DMD: variants seen among roughly 807,000 people sequenced by gnomAD.
DMD encodes mutant dystrophin.
DMD carries 63 observed loss-of-function variants against 330.1 expected under a neutral mutation model. That is an observed-to-expected ratio of 0.19 (90% CI 0.16 to 0.24). The LOEUF (loss-of-function observed/expected upper bound fraction) is 0.24. DMD is among the 10% of genes least tolerant of loss of function. The pLI, the probability that DMD is intolerant of heterozygous loss-of-function variation, is 1.00. For synonymous variants in DMD, 1,223 were observed against 959.8 expected, an observed-to-expected ratio of 1.27 and a Z score of -5.07; for missense variants, 3,344 against 2,684.1, an observed-to-expected ratio of 1.25 and a Z score of -5.43.
chrX:32,499,468 G>A (rs1479121519), intron 19 of DMD, among the ~76,000 whole-genome samples: 1 of 111,145 alleles, frequency 9.0e-6, no homozygotes, highest in Non-Finnish European at 1.9e-5. Flanking sequence ...TAACTTCTGA[G>A]GAAACTATAC....
intron 61 of DMD, among the ~76,000 whole-genome samples, chrX:31,325,681 G>T (rs2056737268): frequency 9.0e-6 from 1 of 111,370 alleles, no homozygotes; most frequent in African/African-American, 3.3e-5. Flanking sequence ...AGAGTCTGTT[G>T]TTATGGAAAT....
Position 31,209,666 on chromosome X carries a change from G to A in DMD, c.9395C>T (p.Ala3132Val), listed in dbSNP as rs200592992. 8.3e-7 allele frequency: 1 copy of A among 1,211,012 alleles called. No homozygotes were observed. Among genetic ancestry groups the A allele is most frequent in the East Asian group, 3.0e-5 (1 of 33,824 alleles). ...TTGCTTGAGGTTGTGCTGGTCCAAG[G>A]CATCACATGCAGCTGACAGGCTCAA... The part of the protein sequence containing the change: ...DLLSLSAACD[A>V]LDQHNLKQND... Residue 3132 changes from alanine (A) to valine (V), a missense_variant, in exon 65 of 79, where the codon GCC becomes GTC. Ala to Val is a moderately conservative substitution (Grantham distance 64). Coordinates refer to ENST00000357033, the MANE Select transcript of DMD (RefSeq NM_004006.3).
chrX:32,683,176 T>C (rs2062562270), intron 9 of DMD, among the ~76,000 whole-genome samples: 1 of 111,376 alleles, frequency 9.0e-6, no homozygotes, highest in African/African-American at 3.3e-5. Flanking sequence ...TAAAGAGCTT[T>C]ATGGTAGTTT....
chrX:31,633,436 C>T (rs1426374949), intron 54 of DMD, among the ~76,000 whole-genome samples: 1 of 111,709 alleles, frequency 9.0e-6, no homozygotes, highest in Non-Finnish European at 1.9e-5. Context: ...ATCCATGCAT[C>T]CATTCCGTAC....
At chrX:33,237,082 G>A (rs891073125) in intron 1 of DMD, among the ~76,000 whole-genome samples, 3 of 110,534 alleles carry the variant, frequency 2.7e-5, no homozygotes, top group Non-Finnish European at 5.7e-5. Context: ...GGAAACGGTT[G>A]TACAATATAA....
intron 60 of DMD, among the ~76,000 whole-genome samples, chrX:31,371,571 G>C (rs759761371): frequency 1.5e-4 from 17 of 111,076 alleles, no homozygotes; most frequent in African/African-American, 4.9e-4. Context: ...CTCGTTTCTG[G>C]GTGGTTAGTT....
intron 62 of DMD, among the ~76,000 whole-genome samples, chrX:31,295,292 G>A (rs1430015565): frequency 9.0e-6 from 1 of 111,260 alleles, no homozygotes; most frequent in Admixed American, 9.6e-5. Flanking sequence ...ACCGCGCCCG[G>A]CCGTAGGTTT....
At chrX:32,154,021 A>C (rs2096818638) in intron 44 of DMD, among the ~76,000 whole-genome samples, 2 of 112,669 alleles carry the variant, frequency 1.8e-5, no homozygotes, top group South Asian at 7.2e-4. Flanking sequence ...TAGAAGCTGA[A>C]TGTCAGCCTA....
intron 2 of DMD, among the ~76,000 whole-genome samples, chrX:32,999,691 G>A (rs766549969): frequency 8.4e-4 from 93 of 110,474 alleles, no homozygotes; most frequent in Non-Finnish European, 1.3e-3. Context: ...CAGGAGAATC[G>A]CTTGAACTAG....
At chrX:32,431,922 T>TA (rs1236745667) in intron 29 of DMD, among the ~76,000 whole-genome samples, 5 of 111,044 alleles carry the variant, frequency 4.5e-5, no homozygotes, top group Non-Finnish European at 3.8e-5. Flanking sequence ...CCCCTGAGTT[T>TA]AATCTGTGAG....
Position 31,659,650 on chromosome X carries a change from A to G in DMD, c.7873-1506T>C, listed in dbSNP as rs1204222065. Among the ~76,000 whole-genome samples, 493 of 82,407 alleles carry G rather than the reference A, an allele frequency of 6.0e-3. 7 individuals are homozygous for G. Among genetic ancestry groups the G allele is most frequent in the African/African-American group, 0.022 (466 of 21,596 alleles). The allele number at this position is 82,407 out of a possible 115,157, so 71.6% of individuals were successfully genotyped here. ...GAGACTCCATCTCGGAAAAAAAAAAAAAAAAAAAAAAAAAAAAAGAGAAAC... is the reference window on the plus strand; with the variant it reads ...GAGACTCCATCTCGGAAAAAAAAAAGAAAAAAAAAAAAAAAAAAGAGAAAC... On this transcript the variant is annotated intron_variant, in intron 53 of 78. Coordinates refer to ENST00000357033, the MANE Select transcript of DMD (RefSeq NM_004006.3).
chrX:33,309,476 TATAA>T (rs1241483070), intron 1 of DMD, among the ~76,000 whole-genome samples: 2 of 111,144 alleles, frequency 1.8e-5, no homozygotes, highest in African/African-American at 6.5e-5. Flanking sequence ...TAAACATAAA[TATAA>T]ATAAATAAAT....
chrX:31,141,844 C>T (rs1300959690), intron 76 of DMD, among the ~76,000 whole-genome samples: 1 of 111,190 alleles, frequency 9.0e-6, no homozygotes, highest in Non-Finnish European at 1.9e-5. Context: ...ATGGAAGGAG[C>T]GCCCAGGGAG....
chrX:31,587,005 T>G (rs6527106), intron 55 of DMD, among the ~76,000 whole-genome samples: 7,512 of 111,333 alleles, frequency 0.067, 214 homozygotes, highest in African/African-American at 0.11. Flanking sequence ...ATGCATTTTG[T>G]TCAACATAAA....
chrX:31,819,879 T>A (rs1201468397), intron 50 of DMD, 96 bp downstream of exon 50: 7 of 706,235 alleles, frequency 9.9e-6, no homozygotes, highest in African/African-American at 2.1e-5. Flanking sequence ...ATCTTTAGAA[T>A]TGAAACAAAT....
chrX:32,811,510 T>A (rs1480307636), intron 6 of DMD, among the ~76,000 whole-genome samples: 1 of 112,373 alleles, frequency 8.9e-6, no homozygotes, highest in Non-Finnish European at 1.9e-5. Context: ...ATGTACAATC[T>A]TTTATTGCCT....
chrX:31,425,585 G>A (rs1168781875), intron 60 of DMD, among the ~76,000 whole-genome samples: 1 of 111,228 alleles, frequency 9.0e-6, no homozygotes, highest in African/African-American at 3.3e-5. Context: ...GCCAGTGATT[G>A]GCTTAAAGAG....
intron 74 of DMD, among the ~76,000 whole-genome samples, chrX:31,164,008 G>C (rs898754904): frequency 1.8e-4 from 20 of 111,871 alleles, no homozygotes; most frequent in Non-Finnish European, 1.9e-5. Context: ...CCACAGCCAG[G>C]GGAGAAGGTT....
At chrX:32,760,006 A>G (rs2072058287) in intron 7 of DMD, among the ~76,000 whole-genome samples, 1 of 112,570 alleles carries the variant, frequency 8.9e-6, no homozygotes, top group African/African-American at 3.2e-5. Flanking sequence ...AATACATGGA[A>G]TCAGAAGCAA....
Sources: allele counts gnomAD v4.1 joint callset (sites outside exome capture counted in the v4.1 genomes callset), GRCh38; gene constraint gnomAD v4.1.1; transcripts MANE v1.5; gene names NCBI Gene and HGNC (gene_info 2026-07-23, HGNC 2026-07-21).